Variants in TOX observed in about 807,000 individuals in gnomAD.
TOX encodes thymocyte selection associated high mobility group box, also known as thymocyte selection-associated high mobility group box protein TOX.
TOX carries 11 observed loss-of-function variants against 53.7 expected under a neutral mutation model. That is an observed-to-expected ratio of 0.20 (90% CI 0.13 to 0.34). The LOEUF is 0.34. TOX is among the 10% of genes least tolerant of loss of function. The pLI, the probability that TOX is intolerant of heterozygous loss-of-function variation, is 1.00. For missense variants in TOX, 570 were observed against 664.6 expected (o/e 0.86, Z 1.56); for synonymous variants, 225 against 245.3 (o/e 0.92, Z 0.77).
intron 1 of TOX, among the ~76,000 whole-genome samples, chr8:59,033,082 C>T (rs567656851): frequency 6.6e-6 from 1 of 151,766 alleles, no homozygotes; most frequent in South Asian, 2.1e-4. Context: ...AAAAAGAAAC[C>T]AAGGCTAAGA....
chr8:58,831,589 G>A (rs1810455120), intron 5 of TOX, among the ~76,000 whole-genome samples: 1 of 152,140 alleles, frequency 6.6e-6, no homozygotes, highest in Admixed American at 6.5e-5. Flanking sequence ...AATAAAATGA[G>A]TCTGGTGTCA....
intron 1 of TOX, among the ~76,000 whole-genome samples, chr8:59,039,122 C>T (rs1803525401): frequency 2.0e-5 from 3 of 152,230 alleles, no homozygotes. Context: ...ACTGAAGTCA[C>T]TTACGAACCA....
intron 5 of TOX, among the ~76,000 whole-genome samples, chr8:58,830,753 C>T (rs1239221066): frequency 6.6e-6 from 1 of 152,062 alleles, no homozygotes; most frequent in Non-Finnish European, 1.5e-5. Flanking sequence ...ATGTAAAATT[C>T]TTCCAATTCT....
At chr8:58,887,058 G>A (rs1811480652) in intron 3 of TOX, among the ~76,000 whole-genome samples, 1 of 151,708 alleles carries the variant, frequency 6.6e-6, no homozygotes, top group African/African-American at 2.4e-5. Flanking sequence ...TTTAAAAATA[G>A]AAAATGAGTG....
intron 1 of TOX, among the ~76,000 whole-genome samples, chr8:58,976,997 A>C (rs1813112666): frequency 6.6e-6 from 1 of 152,214 alleles, no homozygotes; most frequent in Non-Finnish European, 1.5e-5. Flanking sequence ...TCAACTGCAA[A>C]TCACCAGCTG....
intron 3 of TOX, among the ~76,000 whole-genome samples, chr8:58,906,470 C>T (rs1240728355): frequency 1.3e-5 from 2 of 152,168 alleles, no homozygotes; most frequent in African/African-American, 4.8e-5. Context: ...TTAATTGTAA[C>T]CCCATTTTAA....
chr8:58,913,578 G>T (rs1035680946), intron 3 of TOX, among the ~76,000 whole-genome samples: 1 of 151,908 alleles, frequency 6.6e-6, no homozygotes, highest in Non-Finnish European at 1.5e-5. Context: ...GTGGGGTCGT[G>T]GTAAAGTCAC....
At chr8:59,040,869 C>A (rs894900525) in intron 1 of TOX, among the ~76,000 whole-genome samples, 1 of 152,190 alleles carries the variant, frequency 6.6e-6, no homozygotes, top group Admixed American at 6.5e-5. Flanking sequence ...TTCTTCCTGG[C>A]TCCTGGCTCC....
intron 3 of TOX, 44 bp downstream of exon 3, chr8:58,939,258 G>A (rs1585912738): frequency 6.2e-7 from 1 of 1,606,812 alleles, no homozygotes; most frequent in Admixed American, 1.7e-5. Flanking sequence ...TTGTCCTTAT[G>A]GTATCCCTCA....
At position 58,805,685 on chromosome 8, in the gene TOX, T is replaced by C. The variant is rs1809962258; in HGVS notation, c.*2062A>G. The C allele has an allele frequency of 6.6e-6, 1 of 152,654 alleles. No homozygotes were observed. Among genetic ancestry groups the C allele is most frequent in the Non-Finnish European group, 1.5e-5 (1 of 68,040 alleles). The allele number at this position is 152,654 out of a possible 1,614,324, so 9.5% of individuals were successfully genotyped here. A position where few individuals can be genotyped will look rare whatever the true frequency, so the allele number is the denominator to read the frequency against. On this transcript the variant is annotated 3_prime_UTR_variant, in exon 9 of 9. Coordinates refer to ENST00000361421, the MANE Select transcript of TOX (RefSeq NM_014729.3). ...TAATATAATAAATAAAAGACATTAG[T>C]TAATTAGTAGTGCTGGTATATTTCT... is the stretch of plus-strand genomic sequence containing the variant.
rs143343596 is a variant in TOX at position 58,815,594 on chromosome 8, G to C, written c.1136C>G (p.Pro379Arg). ...GGCAGTTAGGTGAGGATTCATTCCC[G>C]GTTGTTGGTGATAGTGGGAACTTAG... ...LYLSSHYHQQ[P>R]GMNPHLTAMH... Residue 379 changes from proline to arginine, a missense_variant, in exon 7 of 9, where the codon CCG becomes CGG. By Grantham distance (103) the Pro-to-Arg change is moderately radical. Transcript: ENST00000361421. 1.2e-6 allele frequency: 2 copies of C among 1,614,150 alleles called. No individual in the cohort carries two copies. The highest frequency in any genetic ancestry group is 1.7e-6 in the Non-Finnish European group (2 of 1,180,028).
chr8:58,844,671 CAT>C (rs1810694445), intron 4 of TOX, among the ~76,000 whole-genome samples: 1 of 152,116 alleles, frequency 6.6e-6, no homozygotes, highest in African/African-American at 2.4e-5. Flanking sequence ...TTGAAACAAA[CAT>C]AGAAATTGTA....
chr8:58,906,723 T>C (rs1479592780), intron 3 of TOX, among the ~76,000 whole-genome samples: 1 of 152,212 alleles, frequency 6.6e-6, no homozygotes, highest in Non-Finnish European at 1.5e-5. Context: ...ATTTTTTTTC[T>C]CCATCTCAGT....
chr8:59,106,045 T>C (rs1804893659), intron 1 of TOX, among the ~76,000 whole-genome samples: 1 of 152,296 alleles, frequency 6.6e-6, no homozygotes, highest in Middle Eastern at 3.4e-3. Flanking sequence ...AAATGAATCT[T>C]CAACCAAAGA....
At chr8:58,879,842 A>C (rs1811353360) in intron 3 of TOX, among the ~76,000 whole-genome samples, 1 of 152,236 alleles carries the variant, frequency 6.6e-6, no homozygotes, top group South Asian at 2.1e-4. Context: ...TTGATCCCCA[A>C]GAATTAAAAA....
At chr8:58,882,710 G>A (rs781683126) in intron 3 of TOX, among the ~76,000 whole-genome samples, 17 of 152,246 alleles carry the variant, frequency 1.1e-4, no homozygotes, top group Non-Finnish European at 1.9e-4. Context: ...AACTGGAATG[G>A]TTTGCTGTGC....
chr8:58,905,894 C>T (rs1811806186), intron 3 of TOX, among the ~76,000 whole-genome samples: 1 of 152,152 alleles, frequency 6.6e-6, no homozygotes, highest in South Asian at 2.1e-4. Flanking sequence ...GCCAAAGATT[C>T]TGAGCAAGAA....
chr8:59,040,969 T>C (rs1803578035), intron 1 of TOX, among the ~76,000 whole-genome samples: 1 of 152,008 alleles, frequency 6.6e-6, no homozygotes, highest in African/African-American at 2.4e-5. Flanking sequence ...GAGGTCAAAA[T>C]AAGCTTTAGC....
intron 1 of TOX, among the ~76,000 whole-genome samples, chr8:59,047,470 G>A (rs796919729): frequency 1.9e-4 from 28 of 151,216 alleles, no homozygotes; most frequent in African/African-American, 6.3e-4. Flanking sequence ...CTCGTGATCC[G>A]CCCGCCTCGG....
Sources: allele counts gnomAD v4.1 joint callset (sites outside exome capture counted in the v4.1 genomes callset), GRCh38; gene constraint gnomAD v4.1.1; transcripts MANE v1.5; gene names NCBI Gene and HGNC (gene_info 2026-07-23, HGNC 2026-07-21).